Variants in AGAP6 observed in about 807,000 individuals in gnomAD.
The protein encoded by AGAP6 is arf-GAP with GTPase, ANK repeat and PH domain-containing protein 6.
AGAP6 carries 29 observed loss-of-function variants against 63.9 expected under a neutral mutation model. The ratio of observed to expected loss-of-function variants is 0.45; its 90% confidence interval spans 0.34 to 0.62. The LOEUF (loss-of-function observed/expected upper bound fraction) is 0.62. Ranked by LOEUF, AGAP6 falls within the 20% of genes least tolerant of loss-of-function variation. The probability of loss-of-function intolerance (pLI) is 0.01; values close to 1 mark genes in which losing one functional copy is unlikely to be tolerated. For missense variants in AGAP6, 493 were observed against 884.9 expected, an observed-to-expected ratio of 0.56 and a Z score of 5.62; for synonymous variants, 199 against 332.9, an observed-to-expected ratio of 0.60 and a Z score of 4.38.
At chr10:49,992,961 C>T (rs1162142429) in intron 3 of AGAP6, among the ~76,000 whole-genome samples, 1 of 152,220 alleles carries the variant, frequency 6.6e-6, no homozygotes, top group Non-Finnish European at 1.5e-5. Flanking sequence ...AGGGTTTCAC[C>T]ATGTTGGCCA....
At chr10:49,990,406 A>G (rs572477163) in intron 2 of AGAP6, among the ~76,000 whole-genome samples, 13 of 152,296 alleles carry the variant, frequency 8.5e-5, no homozygotes, top group South Asian at 2.1e-4. Context: ...GATCACGCCA[A>G]TGCACTCCAG....
intron 3 of AGAP6, among the ~76,000 whole-genome samples, 155 bp downstream of exon 3, chr10:49,991,899 AGTT>A (rs1205685559): frequency 1.1e-4 from 16 of 152,026 alleles, no homozygotes; most frequent in South Asian, 2.1e-4. Context: ...ACTTTCCTTT[AGTT>A]GTTATGATGT....
In AGAP6 at chr10:49,989,390, G is replaced by A. The variant is rs1554860374; in HGVS notation, c.292+14G>A. 4 of 1,597,286 alleles carry A rather than the reference G, an allele frequency of 2.5e-6. No individual in the cohort carries two copies. In the African/African-American group the frequency reaches 5.3e-5, roughly 21 times the overall value. ...CTCAAACAGAAGGTGAGACAACAGT[G>A]TCTGTAGCTCTATTTATTATCCTGT... On this transcript the variant is annotated intron_variant, in intron 2 of 7. Transcript: ENST00000412531.
intron 3 of AGAP6, among the ~76,000 whole-genome samples, chr10:49,993,179 C>T (rs1841348427): frequency 6.6e-6 from 1 of 152,236 alleles, no homozygotes; most frequent in Non-Finnish European, 1.5e-5. Flanking sequence ...TAGGCCCTAT[C>T]TCCAACATTA....
chr10:49,994,107 C>T (rs1239523996), intron 3 of AGAP6, among the ~76,000 whole-genome samples: 1 of 151,972 alleles, frequency 6.6e-6, no homozygotes. Flanking sequence ...TTTTTATTAG[C>T]TAAATTTTTC....
intron 1 of AGAP6, 73 bp downstream of exon 1, chr10:49,989,011 G>T: frequency 6.3e-7 from 1 of 1,598,252 alleles, no homozygotes; most frequent in South Asian, 1.1e-5. Context: ...TCCCTTTGAG[G>T]CATCCCACAC....
chr10:49,994,805 A>G (rs544870089), intron 4 of AGAP6, among the ~76,000 whole-genome samples: 2,162 of 152,102 alleles, frequency 0.014, 61 homozygotes, highest in African/African-American at 0.05. Flanking sequence ...TCTACTAAAA[A>G]TACAAAAGTA....
Position 49,994,445 on chromosome 10 carries a change from A to G in AGAP6, c.396+16A>G, listed in dbSNP as rs782339785. 1.6e-5 allele frequency: 25 copies of G among 1,524,952 alleles called. No individual in the cohort carries two copies. Among genetic ancestry groups the G allele is most frequent in the East Asian group, 1.6e-4 (7 of 43,136 alleles). 94.5% of individuals were successfully genotyped at this position (1,524,952 alleles called of 1,614,324 possible). A position where few individuals can be genotyped will look rare whatever the true frequency, so the allele number is the denominator to read the frequency against. ...TACAAACCATGTAAGTAAACACTCA[A>G]ATACTTAAGAAATTGATAGTTTGAC... On this transcript the variant is annotated intron_variant, in intron 4 of 7. Transcript: ENST00000412531.
In AGAP6 at chr10:49,999,835, A is replaced by G. The variant is rs1554862660; in HGVS notation, c.397-2161A>G. Among the ~76,000 whole-genome samples, 2 of 140,512 alleles carry G rather than the reference A, an allele frequency of 1.4e-5. 1 individual carries two copies. The highest frequency in any genetic ancestry group is 4.9e-4 in the South Asian group (2 of 4,082). The allele number at this position is 140,512 out of a possible 152,430, so 92.2% of individuals were successfully genotyped here. ...ATACCCCAGAAGCGACCAAGCTTAGAATCAAACCAAGAACTCAACCCCTTT... is the reference window on the plus strand; with the variant it reads ...ATACCCCAGAAGCGACCAAGCTTAGGATCAAACCAAGAACTCAACCCCTTT... On this transcript the variant is annotated intron_variant, in intron 4 of 7. Transcript: ENST00000412531.
chr10:50,003,662 A>C (rs1425863987), intron 5 of AGAP6, among the ~76,000 whole-genome samples: 1 of 152,220 alleles, frequency 6.6e-6, no homozygotes, highest in Non-Finnish European at 1.5e-5. Flanking sequence ...AAGATGAGGC[A>C]GATATTAAAG....
At chr10:50,003,519 AG>A (rs1841790895) in intron 5 of AGAP6, among the ~76,000 whole-genome samples, 1 of 151,970 alleles carries the variant, frequency 6.6e-6, no homozygotes, top group Admixed American at 6.6e-5. Flanking sequence ...GCATCCCAGA[AG>A]ATTCTGATTT....
chr10:49,994,604 T>C (rs3964936), intron 4 of AGAP6, among the ~76,000 whole-genome samples, 175 bp downstream of exon 4: 1 of 152,268 alleles, frequency 6.6e-6, no homozygotes, highest in Non-Finnish European at 1.5e-5. Context: ...AAGTGTTTAG[T>C]TTAGCGTGTC....
At chr10:49,991,523 C>T (rs1401344183) in intron 2 of AGAP6, among the ~76,000 whole-genome samples, 153 bp from the exon 3 acceptor site, 1 of 151,808 alleles carries the variant, frequency 6.6e-6, no homozygotes, top group Non-Finnish European at 1.5e-5. Flanking sequence ...TGCCATCTTG[C>T]CTGGCTCTAT....
chr10:49,999,448 T>C lies in AGAP6; in HGVS notation c.397-2548T>C, dbSNP rs1841612365. Among the ~76,000 whole-genome samples the C allele has an allele frequency of 1.4e-5, 2 of 140,128 alleles. 1 individual carries two copies. Among genetic ancestry groups the C allele is most frequent in the Admixed American group, 1.6e-4 (2 of 12,640 alleles). 91.9% of individuals were successfully genotyped at this position (140,128 alleles called of 152,430 possible). ...ATTAAAACCCTCAGCAAAATCAGCA[T>C]AGAAGGGTCACAGCTCAATATAAGA... is the stretch of plus-strand genomic sequence containing the variant. On this transcript the variant is annotated intron_variant, in intron 4 of 7. Coordinates refer to ENST00000412531, the MANE Select transcript of AGAP6 (RefSeq NM_001077665.3).
At position 50,010,342 on chromosome 10, in the gene AGAP6, C is replaced by T. The variant is rs1842066976; in HGVS notation, c.*156C>T. 2 of 1,422,330 alleles carry T rather than the reference C, an allele frequency of 1.4e-6. No individual in the cohort carries two copies. Among genetic ancestry groups the T allele is most frequent in the East Asian group, 2.3e-5 (1 of 42,754 alleles). 88.1% of individuals were successfully genotyped at this position (1,422,330 alleles called of 1,614,324 possible). On this transcript the variant is annotated 3_prime_UTR_variant, in exon 8 of 8. Coordinates refer to ENST00000412531, the MANE Select transcript of AGAP6 (RefSeq NM_001077665.3). ...GTAAATACACAAAATGTTGATTTTT[C>T]TGACCATAAGACGTATTTTATGTCC...
chr10:50,009,105 A>G lies in AGAP6; in HGVS notation c.980A>G (p.His327Arg), dbSNP rs1304547975. The G allele has an allele frequency of 1.9e-5, 30 of 1,613,676 alleles. No individual in the cohort carries two copies. Among genetic ancestry groups the G allele is most frequent in the East Asian group, 1.8e-4 (8 of 44,898 alleles). The change falls in exon 8 of 8, where the codon CAT becomes CGT. Residue 327 changes from histidine to arginine, a missense_variant. By Grantham distance (29) the His-to-Arg change is conservative. Coordinates refer to ENST00000412531, the MANE Select transcript of AGAP6 (RefSeq NM_001077665.3). ...SSLGDYMKNI[H>R]KKEIDLQTST... ...TTAGGTGATTATATGAAGAATATTCATAAAAAAGAGATTGACCTTCAGACA... is the reference window on the plus strand; with the variant it reads ...TTAGGTGATTATATGAAGAATATTCGTAAAAAAGAGATTGACCTTCAGACA...
intron 6 of AGAP6, among the ~76,000 whole-genome samples, chr10:50,006,262 A>G (rs1371334251): frequency 6.6e-6 from 1 of 152,228 alleles, no homozygotes; most frequent in African/African-American, 2.4e-5. Context: ...CACGCCTTTA[A>G]GTATTGAAAA....
Position 50,004,683 on chromosome 10 carries a change from A to G in AGAP6, c.498-2A>G. 2 of 1,350,484 alleles carry G rather than the reference A, an allele frequency of 1.5e-6. No homozygotes were observed. Among genetic ancestry groups the G allele is most frequent in the Non-Finnish European group, 2.0e-6 (2 of 1,003,964 alleles). 83.7% of individuals were successfully genotyped at this position (1,350,484 alleles called of 1,614,324 possible). On this transcript the variant is annotated splice_acceptor_variant, in intron 5 of 7. Transcript: ENST00000412531. LOFTEE classifies it high-confidence loss of function. ...TGTTATGAATTTTTTTTCCTTCCAC[A>G]GTGTGACCTTGGAGATACCTCATCA...
At chr10:49,988,371 C>G, upstream of AGAP6, 1 of 1,265,158 alleles carries the variant, frequency 7.9e-7, no homozygotes, top group South Asian at 1.5e-5. Flanking sequence ...GGGCTTCAGT[C>G]TGTAGGTGAC....
Sources: gnomAD v4.1 joint callset for allele counts (sites outside exome capture counted in the v4.1 genomes callset) on GRCh38, gnomAD v4.1.1 for gene constraint, MANE v1.5 for transcripts, NCBI Gene and HGNC (gene_info 2026-07-23, HGNC 2026-07-21) for gene names.